The following PEX5L variants were observed in gnomAD, a reference collection of about 807,000 sequenced individuals.
The protein encoded by PEX5L is PEX5-related protein.
In PEX5L, 30 loss-of-function variants were observed where a neutral mutation model predicts 84.0. The ratio of observed to expected loss-of-function variants is 0.36; its 90% confidence interval spans 0.27 to 0.48. The LOEUF is 0.48. Ranked by LOEUF, PEX5L falls within the 20% of genes least tolerant of loss-of-function variation. PEX5L has a pLI of 0.99. For missense variants in PEX5L, 533 were observed against 754.6 expected, an observed-to-expected ratio of 0.71 and a Z score of 3.44; for synonymous variants, 270 against 283.1, an observed-to-expected ratio of 0.95 and a Z score of 0.46.
At chr3:179,874,288 T>C (rs1398523837) in intron 7 of PEX5L, 39 bp downstream of exon 7, 1 of 1,135,146 alleles carries the variant, frequency 8.8e-7, no homozygotes, top group South Asian at 1.2e-5. Flanking sequence ...ACACTATATA[T>C]AGGGAAAGAT....
chr3:180,010,793 C>A (rs1789399316), intron 1 of PEX5L, among the ~76,000 whole-genome samples: 1 of 151,926 alleles, frequency 6.6e-6, no homozygotes, highest in South Asian at 2.1e-4. Flanking sequence ...TATCCCATTG[C>A]CCCAACTGGC....
At chr3:180,019,649 G>A (rs550968477) in intron 1 of PEX5L, among the ~76,000 whole-genome samples, 1 of 152,212 alleles carries the variant, frequency 6.6e-6, no homozygotes, top group Admixed American at 6.5e-5. Context: ...AACTGTCAAT[G>A]AAAATATTTG....
intron 7 of PEX5L, among the ~76,000 whole-genome samples, chr3:179,871,089 T>C (rs1449637466): frequency 1.3e-5 from 2 of 149,998 alleles, no homozygotes; most frequent in Non-Finnish European, 3.0e-5. Context: ...CTGTGAACCA[T>C]TTGAGTTATA....
chr3:180,009,960 T>C (rs1789276774), intron 1 of PEX5L, among the ~76,000 whole-genome samples: 1 of 152,046 alleles, frequency 6.6e-6, no homozygotes, highest in African/African-American at 2.4e-5. Context: ...ATTTATTTAT[T>C]TGAGACAGAG....
At chr3:179,907,224 T>G (rs1416579563) in intron 2 of PEX5L, among the ~76,000 whole-genome samples, 1 of 151,880 alleles carries the variant, frequency 6.6e-6, no homozygotes, top group Non-Finnish European at 1.5e-5. Flanking sequence ...AAAAAAAAAG[T>G]CACAAGGAAG....
chr3:179,883,237 A>G (rs950509258), intron 4 of PEX5L, among the ~76,000 whole-genome samples: 1 of 152,182 alleles, frequency 6.6e-6, no homozygotes, highest in Admixed American at 6.5e-5. Context: ...CTCATGGACC[A>G]CATGTCAGTC....
chr3:180,018,163 C>G (rs1374379627), intron 1 of PEX5L, among the ~76,000 whole-genome samples: 4 of 152,172 alleles, frequency 2.6e-5, no homozygotes, highest in Non-Finnish European at 1.5e-5. Context: ...TGTTCTGGTT[C>G]CTCATCTATT....
At position 180,029,344 on chromosome 3, in the gene PEX5L, C is replaced by T. The variant is rs79712811; in HGVS notation, c.21+7235G>A. Among the ~76,000 whole-genome samples, 667 of 151,748 alleles carry T rather than the reference C, an allele frequency of 4.4e-3. 3 individuals are homozygous for T. Among genetic ancestry groups the T allele is most frequent in the African/African-American group, 0.015 (634 of 41,358 alleles). ...TCTGTTTGTTTGTTCTCCAAACAAA[C>T]GAATTGTTTTGAGAACTATTATGTC... On this transcript the variant is annotated intron_variant, in intron 1 of 14. Transcript: ENST00000467460.
intron 5 of PEX5L, 130 bp from the exon 6 acceptor site, chr3:179,875,607 T>G (rs1053089456): frequency 1.7e-5 from 11 of 642,578 alleles, no homozygotes; most frequent in Non-Finnish European, 2.9e-5. Context: ...TTGAAAAATC[T>G]TATCCAAGGG....
Position 179,969,118 on chromosome 3 carries a change from A to G in PEX5L, c.93+2476T>C, listed in dbSNP as rs1784118591. ...GCATACACAGCATTTGTAGAGTGACAGCTTCTGAATGACAGATTTAAAGAA... is the reference window on the plus strand; with the variant it reads ...GCATACACAGCATTTGTAGAGTGACGGCTTCTGAATGACAGATTTAAAGAA... On this transcript the variant is annotated intron_variant, in intron 2 of 14. Coordinates refer to ENST00000467460, the MANE Select transcript of PEX5L (RefSeq NM_016559.3). Among the ~76,000 whole-genome samples, 6 of 152,116 alleles carry G rather than the reference A, an allele frequency of 3.9e-5. 1 individual carries two copies. Among genetic ancestry groups the G allele is most frequent in the Admixed American group, 3.9e-4 (6 of 15,254 alleles).
chr3:179,818,892 T>A lies in PEX5L; in HGVS notation c.939+968A>T, dbSNP rs75700299. 2.5e-3 allele frequency among the ~76,000 whole-genome samples: 382 copies of A among 151,544 alleles called. 6 individuals are homozygous for A. Among genetic ancestry groups the A allele is most frequent in the Admixed American group, 0.02 (304 of 15,202 alleles). On this transcript the variant is annotated intron_variant, in intron 9 of 14. Transcript: ENST00000467460. Reference sequence around the variant, plus strand: ...CAGGGTCTCATTCTGTTGTCCAGGCTGTGTACTGACACCATCACAGCTCAC... The same window carrying A: ...CAGGGTCTCATTCTGTTGTCCAGGCAGTGTACTGACACCATCACAGCTCAC...
chr3:179,958,709 A>G (rs1359565305), intron 2 of PEX5L, among the ~76,000 whole-genome samples: 1 of 152,224 alleles, frequency 6.6e-6, no homozygotes, highest in African/African-American at 2.4e-5. Flanking sequence ...AATATTTGCA[A>G]GGTTAGGGAC....
intron 10 of PEX5L, among the ~76,000 whole-genome samples, chr3:179,812,225 A>G (rs1358257964): frequency 6.6e-6 from 1 of 152,232 alleles, no homozygotes; most frequent in Non-Finnish European, 1.5e-5. Flanking sequence ...AATATAACCC[A>G]GAAATGTAGC....
intron 2 of PEX5L, among the ~76,000 whole-genome samples, chr3:179,936,413 G>A (rs1392985913): frequency 6.6e-6 from 1 of 152,150 alleles, no homozygotes; most frequent in Non-Finnish European, 1.5e-5. Flanking sequence ...TGGATTCTTA[G>A]AAAATAAAGT....
chr3:179,906,152 C>T (rs947162432), intron 2 of PEX5L, among the ~76,000 whole-genome samples: 1 of 152,030 alleles, frequency 6.6e-6, no homozygotes, highest in Non-Finnish European at 1.5e-5. Context: ...TAATAATATC[C>T]CTTTGTCCAC....
intron 1 of PEX5L, among the ~76,000 whole-genome samples, chr3:179,986,383 C>G (rs915522252): frequency 1.3e-5 from 2 of 148,882 alleles, no homozygotes; most frequent in East Asian, 3.9e-4. Context: ...ATGGAAAGTC[C>G]TAACCATTTA....
At chr3:179,962,216 G>T (rs951454964) in intron 2 of PEX5L, among the ~76,000 whole-genome samples, 1 of 152,072 alleles carries the variant, frequency 6.6e-6, no homozygotes, top group African/African-American at 2.4e-5. Context: ...TGACTATTCT[G>T]GTTTGATTAC....
In PEX5L at chr3:179,811,794, C is replaced by T. The variant is rs1322637103; in HGVS notation, c.1154+7G>A. 3.7e-6 allele frequency: 6 copies of T among 1,610,466 alleles called. No homozygotes were observed. Among genetic ancestry groups the T allele is most frequent in the Non-Finnish European group, 4.2e-6 (5 of 1,176,726 alleles). On this transcript the variant is annotated splice_region_variant and intron_variant, in intron 11 of 14. Coordinates refer to ENST00000467460, the MANE Select transcript of PEX5L (RefSeq NM_016559.3). ...AGGCCCATGATTTTGCACTTAGCTTCCTTTACCTCTGGAGGGCGACAATAG... is the reference window on the plus strand; with the variant it reads ...AGGCCCATGATTTTGCACTTAGCTTTCTTTACCTCTGGAGGGCGACAATAG...
In PEX5L at chr3:179,926,401, T is replaced by C. The variant is rs577994891; in HGVS notation, c.94-28155A>G. 2.6e-5 allele frequency among the ~76,000 whole-genome samples: 4 copies of C among 152,314 alleles called. No homozygotes were observed. The East Asian group carries it at 7.7e-4, about 29-fold the overall frequency. On this transcript the variant is annotated intron_variant, in intron 2 of 14. Coordinates refer to ENST00000467460, the MANE Select transcript of PEX5L (RefSeq NM_016559.3). ...CAGCCACACTTGCTGTTCTTGGAAC[T>C]TACTAAGGCTTGTTCCAACCTCACA...
Sources: allele counts gnomAD v4.1 joint callset (sites outside exome capture counted in the v4.1 genomes callset), GRCh38; gene constraint gnomAD v4.1.1; transcripts MANE v1.5; gene names NCBI Gene and HGNC (gene_info 2026-07-23, HGNC 2026-07-21).